LRRC71: variants seen among roughly 807,000 people sequenced by gnomAD.
The protein encoded by LRRC71 is leucine rich repeat containing 71.
In LRRC71, 54 loss-of-function variants were observed where a neutral mutation model predicts 66.6. That is an observed-to-expected ratio of 0.81 (90% CI 0.65 to 1.02). The LOEUF (loss-of-function observed/expected upper bound fraction) is 1.02, where lower values mean the gene tolerates loss of function less well. LRRC71 is among the 50% of genes least tolerant of loss of function. The pLI is 0.00. For synonymous variants in LRRC71, 323 were observed against 303.9 expected (o/e 1.06, Z -0.65); for missense variants, 724 against 718.0 (o/e 1.01, Z -0.10).
At chr1:156,925,658 G>A (rs1653083024) in intron 5 of LRRC71, among the ~76,000 whole-genome samples, 2 of 152,244 alleles carry the variant, frequency 1.3e-5, no homozygotes, top group African/African-American at 2.4e-5. Flanking sequence ...TACAGGTGTG[G>A]TTGGGAGTGT....
At chr1:156,938,507 ACCT>A in the LRRC71 span, 1 of 1,612,958 alleles carries the variant, frequency 6.2e-7, no homozygotes, top group East Asian at 2.2e-5. Flanking sequence ...GCTGCCTGCC[ACCT>A]CAGCTGCACC....
Position 156,923,956 on chromosome 1 carries a change from C to CCAG in LRRC71, c.169_171dup (p.Gln57dup). 2 of 1,515,250 alleles carry CCAG rather than the reference C, an allele frequency of 1.3e-6. No individual in the cohort carries two copies. The highest frequency in any genetic ancestry group is 1.8e-6 in the Non-Finnish European group (2 of 1,128,124). The allele number at this position is 1,515,250 out of a possible 1,614,324, so 93.9% of individuals were successfully genotyped here. On this transcript the variant is annotated inframe_insertion, in exon 2 of 15. Coordinates refer to ENST00000337428, the MANE Select transcript of LRRC71 (RefSeq NM_144702.3). ...CCCTGCCTGCCCCCGCAGAGGAGTA[C>CCAG]CAGTGCTCCGGGGTCCTCGAGACCG...
rs748409261 is a variant in LRRC71, at chr1:156,930,565, A to G, written c.1277A>G (p.Lys426Arg). ...CCTGAACAGAAGCCAAGCAGGGCAA[A>G]AGGGATCAAGATCGGGAGCAGAGAG... is the stretch of plus-strand genomic sequence containing the variant. ...TIPEQKPSRA[K>R]GIKIGSREKR... Residue 426 changes from lysine (K) to arginine (R), a missense_variant, in exon 12 of 15, where the codon AAA (lysine) becomes AGA (arginine). Lys to Arg is a conservative substitution (Grantham distance 26, BLOSUM62 2). Coordinates refer to ENST00000337428, the MANE Select transcript of LRRC71 (RefSeq NM_144702.3). 17 of 1,569,506 alleles carry G rather than the reference A, an allele frequency of 1.1e-5. No individual in the cohort carries two copies. The African/African-American group carries it at 2.0e-4, about 19-fold the overall frequency.
chr1:156,930,397 C>T (rs1199415161), intron 11 of LRRC71, 132 bp from the exon 12 acceptor site: 8 of 696,440 alleles, frequency 1.1e-5, no homozygotes, highest in Non-Finnish European at 2.0e-5. Context: ...CCAGCCCCCT[C>T]CAGCCATTTC....
At chr1:156,936,079 T>C, downstream of LRRC71, 2 of 1,613,688 alleles carry the variant, frequency 1.2e-6, no homozygotes, top group South Asian at 2.2e-5. Flanking sequence ...AGGATGAAGG[T>C]GAGGAACTGG....
At chr1:156,923,872 C>T in intron 1 of LRRC71, 77 bp from the exon 2 acceptor site, 1 of 1,401,584 alleles carries the variant, frequency 7.1e-7, no homozygotes, top group Non-Finnish European at 9.4e-7. Flanking sequence ...AGGAGGGCCC[C>T]TCCGCCCGCG....
At chr1:156,936,553 G>C (rs1655378098), downstream of LRRC71, among the ~76,000 whole-genome samples, 1 of 138,764 alleles carries the variant, frequency 7.2e-6, no homozygotes, top group Non-Finnish European at 1.5e-5. Flanking sequence ...AAGTCTTAGA[G>C]GTGAGAACAG....
intron 1 of LRRC71, among the ~76,000 whole-genome samples, chr1:156,923,055 C>T (rs780836943): frequency 6.6e-5 from 10 of 152,184 alleles, no homozygotes; most frequent in Non-Finnish European, 1.2e-4. Flanking sequence ...AGGAAAATGC[C>T]TCTCATGCCT....
chr1:156,936,986 C>T (rs1334141317), downstream of LRRC71: 2 of 1,614,008 alleles, frequency 1.2e-6, no homozygotes, highest in Admixed American at 3.3e-5. Flanking sequence ...GAGCAGCTCT[C>T]TGTGGGCCAG....
chr1:156,928,363 C>CTCCTTCTTCTTCTTCTTCT (rs1440279180), intron 9 of LRRC71, among the ~76,000 whole-genome samples: 4 of 98,820 alleles, frequency 4.0e-5, no homozygotes, highest in Admixed American at 1.1e-4. Context: ...CTTCTTCTTC[C>CTCCTTCTTCTTCTTCTTCT]TCTTCTTCTT....
At chr1:156,929,466 G>T in intron 10 of LRRC71, 37 bp downstream of exon 10, 1 of 1,612,686 alleles carries the variant, frequency 6.2e-7, no homozygotes, top group Non-Finnish European at 8.5e-7. Context: ...GGTGCTGGAC[G>T]GACAGGGGAG....
chr1:156,926,221 A>G (rs1449760372), intron 5 of LRRC71, among the ~76,000 whole-genome samples: 1 of 152,220 alleles, frequency 6.6e-6, no homozygotes, highest in Non-Finnish European at 1.5e-5. Flanking sequence ...TTAAAAGGAC[A>G]TACATTTATG....
the LRRC71 span, chr1:156,938,512 A>G: frequency 6.2e-7 from 1 of 1,612,104 alleles, no homozygotes; most frequent in African/African-American, 1.3e-5. Context: ...CTGCCACCTC[A>G]GCTGCACCGA....
At chr1:156,939,682 C>T in the LRRC71 span, 1 of 1,614,060 alleles carries the variant, frequency 6.2e-7, no homozygotes, top group Non-Finnish European at 8.5e-7. Context: ...AGAACAGAGA[C>T]CCATGTCTTC....
At position 156,927,225 on chromosome 1, in the gene LRRC71, C is replaced by T. The variant is rs758705596; in HGVS notation, c.617C>T (p.Pro206Leu). The T allele has an allele frequency of 6.2e-7, 1 of 1,613,482 alleles. No individual in the cohort carries two copies. The highest frequency in any genetic ancestry group is 8.5e-7 in the Non-Finnish European group (1 of 1,179,714). ...TLRKVSLEGNPLPEQSYHKLM... is the reference protein window; with the variant it reads ...TLRKVSLEGNLLPEQSYHKLM... ...AGGAAGGTGTCTCTGGAGGGGAACCCACTGCCGGAGCAGTCCTATCACAAG... is the reference window on the plus strand; with the variant it reads ...AGGAAGGTGTCTCTGGAGGGGAACCTACTGCCGGAGCAGTCCTATCACAAG... The change falls in exon 6 of 15, where the codon CCA becomes CTA. Residue 206 changes from proline (P) to leucine (L), a missense_variant. By Grantham distance (98) the Pro-to-Leu change is moderately conservative. Coordinates refer to ENST00000337428, the MANE Select transcript of LRRC71 (RefSeq NM_144702.3).
downstream of LRRC71, among the ~76,000 whole-genome samples, chr1:156,936,499 T>TAAAA (rs1389872908): frequency 1.3e-5 from 1 of 74,906 alleles, no homozygotes. Flanking sequence ...AAAAAAAAAA[T>TAAAA]ATATATATAT....
intron 12 of LRRC71, among the ~76,000 whole-genome samples, chr1:156,930,852 T>C (rs527793655): frequency 5.3e-5 from 8 of 152,246 alleles, no homozygotes; most frequent in Non-Finnish European, 1.2e-4. Flanking sequence ...TTTTTCCTTG[T>C]CTATTAGTAG....
chr1:156,939,303 G>A, the LRRC71 span: 4 of 561,764 alleles, frequency 7.1e-6, no homozygotes, highest in Non-Finnish European at 1.3e-5. Context: ...ACAAAGTTCA[G>A]AGATGATTCA....
intron 1 of LRRC71, among the ~76,000 whole-genome samples, chr1:156,922,114 G>T (rs55820829): frequency 1.4e-4 from 21 of 152,140 alleles, no homozygotes; most frequent in Non-Finnish European, 2.4e-4. Flanking sequence ...GGACACATGG[G>T]TCAGCAGTGC....
Sources: gnomAD v4.1 joint callset for allele counts (sites outside exome capture counted in the v4.1 genomes callset) on GRCh38, gnomAD v4.1.1 for gene constraint, MANE v1.5 for transcripts, NCBI Gene and HGNC (gene_info 2026-07-23, HGNC 2026-07-21) for gene names.